CACNA1C: variants seen among roughly 807,000 people sequenced by gnomAD.
CACNA1C encodes calcium voltage-gated channel subunit alpha1 C.
A neutral mutation model predicts 229.0 loss-of-function variants in CACNA1C; 30 were observed. The observed-to-expected ratio is 0.13, with a 90% CI of 0.10 to 0.18. The LOEUF is 0.18. CACNA1C is among the 10% of genes least tolerant of loss of function. CACNA1C has a pLI of 1.00. For missense variants in CACNA1C, 1,658 were observed against 2,845.0 expected (o/e 0.58, Z 9.49); for synonymous variants, 1,114 against 1,132.5 (o/e 0.98, Z 0.33).
intron 3 of CACNA1C, among the ~76,000 whole-genome samples, chr12:2,433,494 C>A (rs1350171502): frequency 6.6e-6 from 1 of 152,248 alleles, no homozygotes; most frequent in Admixed American, 6.5e-5. Context: ...CACCCATTCA[C>A]TCACGCATTC....
intron 3 of CACNA1C, among the ~76,000 whole-genome samples, chr12:2,172,921 G>C (rs1161454596): frequency 6.6e-6 from 1 of 152,238 alleles, no homozygotes; most frequent in Non-Finnish European, 1.5e-5. Flanking sequence ...GCAGTGGACA[G>C]CAGAGTTGGT....
At position 2,511,725 on chromosome 12, in the gene CACNA1C, G is replaced by A. The variant is rs149837347; in HGVS notation, c.1218-1087G>A. ...TTGAGGGTTGAGAATTCACTTTGTT[G>A]ATGATTGCCTTCTCCTGCCAGCCTC... On this transcript the variant is annotated intron_variant, in intron 8 of 46. Transcript: ENST00000399655. Among the ~76,000 whole-genome samples the A allele has an allele frequency of 1.3e-3, 196 of 152,286 alleles. 3 individuals carry two copies. Among genetic ancestry groups the A allele is most frequent in the African/African-American group, 4.6e-3 (191 of 41,546 alleles).
At chr12:2,221,064 G>A (rs1209152240) in intron 3 of CACNA1C, among the ~76,000 whole-genome samples, 7 of 152,194 alleles carry the variant, frequency 4.6e-5, no homozygotes, top group Non-Finnish European at 4.4e-5. Context: ...AAGGAGCTAG[G>A]CTTGCAAAGA....
intron 2 of CACNA1C, 84 bp downstream of exon 2, chr12:2,115,629 G>A (rs2083505337): frequency 1.5e-6 from 2 of 1,340,518 alleles, no homozygotes; most frequent in African/African-American, 1.4e-5. Flanking sequence ...GCCACGAGCT[G>A]TGTCAGCTGT....
chr12:2,099,758 AG>A (rs1477092666), intron 1 of CACNA1C, among the ~76,000 whole-genome samples: 3 of 151,756 alleles, frequency 2.0e-5, no homozygotes, highest in Non-Finnish European at 4.4e-5. Flanking sequence ...CCACTCTGGA[AG>A]GGGGCAGACA....
At chr12:2,057,379 C>T (rs1396416250) in intron 1 of CACNA1C, among the ~76,000 whole-genome samples, 1 of 152,222 alleles carries the variant, frequency 6.6e-6, no homozygotes, top group Non-Finnish European at 1.5e-5. Flanking sequence ...GTGGCTTCTG[C>T]CTCTTCCAGT....
At chr12:2,377,405 A>G (rs2154543910) in intron 3 of CACNA1C, among the ~76,000 whole-genome samples, 1 of 152,276 alleles carries the variant, frequency 6.6e-6, no homozygotes, top group Admixed American at 6.5e-5. Flanking sequence ...CAGCTGCAAC[A>G]GCGCTGCACC....
intron 3 of CACNA1C, among the ~76,000 whole-genome samples, chr12:2,143,041 T>C (rs892066528): frequency 2.0e-5 from 3 of 151,032 alleles, no homozygotes; most frequent in Non-Finnish European, 3.0e-5. Flanking sequence ...AATGGTGCTA[T>C]CTTGGCTCAC....
chr12:2,420,714 C>T (rs560055103), intron 3 of CACNA1C, among the ~76,000 whole-genome samples: 2 of 152,314 alleles, frequency 1.3e-5, no homozygotes, highest in African/African-American at 4.8e-5. Flanking sequence ...CCAGCAGCAG[C>T]CTGGGGTGCT....
chr12:2,206,014 C>T (rs1454763884), intron 3 of CACNA1C, among the ~76,000 whole-genome samples: 2 of 152,136 alleles, frequency 1.3e-5, no homozygotes, highest in Non-Finnish European at 2.9e-5. Flanking sequence ...GCTAGGATTT[C>T]AGCATAGGAA....
chr12:2,446,093 ATGAG>A lies in CACNA1C; in HGVS notation c.478-2876_478-2873del, dbSNP rs549299692. 7.7e-4 allele frequency among the ~76,000 whole-genome samples: 115 copies of A among 150,162 alleles called. 1 individual carries two copies. The South Asian group carries it at 0.018, about 23-fold the overall frequency. On this transcript the variant is annotated intron_variant, in intron 3 of 46. Coordinates refer to ENST00000399655, the MANE Select transcript of CACNA1C (RefSeq NM_000719.7). ...AGTAGATGGATGATCAGATAGAAGA[ATGAG>A]TGAGTGGGTGAACGAATGAATGGGT...
At position 2,567,560 on chromosome 12, in the gene CACNA1C, G is replaced by T. The variant is rs2154593413; in HGVS notation, c.1670-9G>T. On this transcript the variant is annotated splice_polypyrimidine_tract_variant and intron_variant, in intron 12 of 46. Transcript: ENST00000399655. ...TGCTCGGATCTCATCCCTCTCCTGG[G>T]CCTGCCAGACACGGCAAACAAGGCC... 2.6e-5 allele frequency: 41 copies of T among 1,563,486 alleles called. No homozygotes were observed. The highest frequency in any genetic ancestry group is 3.5e-5 in the Non-Finnish European group (40 of 1,150,978).
At chr12:2,246,460 C>G (rs185818177) in intron 3 of CACNA1C, among the ~76,000 whole-genome samples, 51 of 152,312 alleles carry the variant, frequency 3.3e-4, no homozygotes, top group Admixed American at 1.6e-3. Context: ...CCATGCCTCC[C>G]TGCCTGAAAC....
At chr12:2,458,563 G>T (rs924009531) in intron 5 of CACNA1C, among the ~76,000 whole-genome samples, 1 of 152,202 alleles carries the variant, frequency 6.6e-6, no homozygotes, top group Non-Finnish European at 1.5e-5. Flanking sequence ...TTTGCTTTCA[G>T]TTCAGCTCCA....
intron 3 of CACNA1C, among the ~76,000 whole-genome samples, chr12:2,384,629 G>C (rs1297134033): frequency 6.6e-6 from 1 of 152,046 alleles, no homozygotes; most frequent in Non-Finnish European, 1.5e-5. Context: ...TTCCTTCTCT[G>C]AGCAGCAACA....
intron 3 of CACNA1C, among the ~76,000 whole-genome samples, chr12:2,377,869 G>T (rs764662665): frequency 5.3e-5 from 8 of 152,216 alleles, no homozygotes; most frequent in Non-Finnish European, 1.2e-4. Context: ...CCTGTGTCCT[G>T]TGGGAGAATT....
At position 2,596,001 on chromosome 12, in the gene CACNA1C, C is replaced by G. The variant is rs1400995205; in HGVS notation, c.2791C>G (p.His931Asp). The change falls in exon 20 of 47, where the codon CAT becomes GAT. Residue 931 changes from histidine (H) to aspartate (D), a missense_variant and splice_region_variant. Coordinates refer to ENST00000399655, the MANE Select transcript of CACNA1C (RefSeq NM_000719.7). ...DPVQHTSFRN[H>D]ILFYFDIVFT... Reference sequence around the variant, plus strand: ...GGTCCAGCACACCTCCTTCAGGAACCATGTATGCATCGCCTGTGTCTTCTG... The same window carrying G: ...GGTCCAGCACACCTCCTTCAGGAACGATGTATGCATCGCCTGTGTCTTCTG... 1 of 1,612,082 alleles carries G rather than the reference C, an allele frequency of 6.2e-7. No individual in the cohort carries two copies. Among genetic ancestry groups the G allele is most frequent in the Non-Finnish European group, 8.5e-7 (1 of 1,179,022 alleles).
intron 3 of CACNA1C, among the ~76,000 whole-genome samples, chr12:2,261,756 C>T (rs1361461069): frequency 6.6e-6 from 1 of 151,236 alleles, no homozygotes; most frequent in Non-Finnish European, 1.5e-5. Flanking sequence ...CACACACACA[C>T]ACACAACAGG....
chr12:2,493,444 C>G lies in CACNA1C; in HGVS notation c.1113+58C>G. On this transcript the variant is annotated intron_variant, in intron 7 of 46. Transcript: ENST00000399655. The surrounding 1 kb of genome is among the most constrained non-coding windows in gnomAD (Gnocchi z 4.6). ...GGGAACAGCGGCCGTGAACCCTTCCCTGACACCTCCCTTTCTCCTCCTCCC... is the reference window on the plus strand; with the variant it reads ...GGGAACAGCGGCCGTGAACCCTTCCGTGACACCTCCCTTTCTCCTCCTCCC... 2 of 1,297,928 alleles carry G rather than the reference C, an allele frequency of 1.5e-6. No homozygotes were observed. The highest frequency in any genetic ancestry group is 2.2e-6 in the Non-Finnish European group (2 of 897,486). The allele number at this position is 1,297,928 out of a possible 1,614,324, so 80.4% of individuals were successfully genotyped here.
Sources: allele counts gnomAD v4.1 joint callset (sites outside exome capture counted in the v4.1 genomes callset), GRCh38; gene constraint gnomAD v4.1.1; non-coding constraint Gnocchi (gnomAD v3.1); transcripts MANE v1.5; gene names NCBI Gene and HGNC (gene_info 2026-07-23, HGNC 2026-07-21).